SNTB1: variants seen among roughly 807,000 people sequenced by gnomAD.
SNTB1 encodes the protein syntrophin beta 1.
SNTB1 carries 36 observed loss-of-function variants against 48.9 expected under a neutral mutation model. The observed-to-expected ratio is 0.74, with a 90% confidence interval of 0.56 to 0.97. The LOEUF is 0.97. SNTB1 is among the 50% of genes least tolerant of loss of function. The probability of loss-of-function intolerance (pLI) is 0.00; values close to 1 mark genes in which losing one functional copy is unlikely to be tolerated. For missense variants in SNTB1, 786 were observed against 703.4 expected (o/e 1.12, Z -1.33); for synonymous variants, 299 against 294.6 (o/e 1.01, Z -0.15).
chr8:120,803,846 G>T (rs1346268597), intron 1 of SNTB1, among the ~76,000 whole-genome samples: 9 of 152,174 alleles, frequency 5.9e-5, no homozygotes, highest in Non-Finnish European at 1.3e-4. Context: ...GGTAGAAAGC[G>T]TTCTTACATA....
intron 1 of SNTB1, among the ~76,000 whole-genome samples, chr8:120,696,512 T>G (rs1818212990): frequency 6.6e-6 from 1 of 152,216 alleles, no homozygotes; most frequent in Non-Finnish European, 1.5e-5. Context: ...AAGTTTCAAA[T>G]GACCATTTAA....
At chr8:120,628,017 T>C (rs1816912588) in intron 3 of SNTB1, among the ~76,000 whole-genome samples, 1 of 152,172 alleles carries the variant, frequency 6.6e-6, no homozygotes, top group Admixed American at 6.5e-5. Context: ...AGTAACACCA[T>C]GGGGAGGCAC....
At chr8:120,544,791 T>TTTG (rs11418998) in intron 5 of SNTB1, among the ~76,000 whole-genome samples, 251 of 34,700 alleles carry the variant, frequency 7.2e-3, no homozygotes, top group African/African-American at 0.043. Flanking sequence ...AATTCAAAAC[T>TTTG]TTTTTTTTTT....
intron 4 of SNTB1, among the ~76,000 whole-genome samples, chr8:120,558,383 G>C (rs1477453313): frequency 6.6e-5 from 10 of 152,158 alleles, no homozygotes; most frequent in African/African-American, 1.9e-4. Flanking sequence ...TGAATTTGAA[G>C]CTGAATTCAC....
intron 3 of SNTB1, among the ~76,000 whole-genome samples, chr8:120,575,581 T>C (rs1478194606): frequency 6.6e-6 from 1 of 152,236 alleles, no homozygotes; most frequent in Non-Finnish European, 1.5e-5. Context: ...TAGCATTTTT[T>C]TTTATTATGA....
intron 3 of SNTB1, among the ~76,000 whole-genome samples, chr8:120,585,831 C>T (rs1391948994): frequency 6.6e-6 from 1 of 152,174 alleles, no homozygotes; most frequent in African/African-American, 2.4e-5. Context: ...AGTTTAAAAT[C>T]AAACATGTCA....
chr8:120,689,187 G>A (rs193228081), intron 2 of SNTB1, among the ~76,000 whole-genome samples: 71 of 152,294 alleles, frequency 4.7e-4, no homozygotes, highest in Admixed American at 1.8e-3. Context: ...TTGAGAAATT[G>A]AACATTAGAG....
At chr8:120,806,156 G>T (rs1820331494) in intron 1 of SNTB1, among the ~76,000 whole-genome samples, 1 of 152,214 alleles carries the variant, frequency 6.6e-6, no homozygotes, top group South Asian at 2.1e-4. Context: ...AGGTGGGGGG[G>T]TCCACACCTC....
chr8:120,560,354 G>C (rs1280819920), intron 4 of SNTB1, among the ~76,000 whole-genome samples: 1 of 152,134 alleles, frequency 6.6e-6, no homozygotes, highest in Non-Finnish European at 1.5e-5. Context: ...TTGGTGGCGG[G>C]CACCTGTGAT....
chr8:120,552,601 C>T (rs1352491346), intron 4 of SNTB1, among the ~76,000 whole-genome samples: 1 of 152,074 alleles, frequency 6.6e-6, no homozygotes, highest in Non-Finnish European at 1.5e-5. Flanking sequence ...CCTTGGCCTC[C>T]CAAAGTGCTG....
At chr8:120,807,897 A>G (rs1280926928) in intron 1 of SNTB1, among the ~76,000 whole-genome samples, 1 of 152,016 alleles carries the variant, frequency 6.6e-6, no homozygotes, top group Non-Finnish European at 1.5e-5. Flanking sequence ...ATGTTACATT[A>G]TTTATATTTA....
At chr8:120,549,094 G>T in intron 4 of SNTB1, 136 bp from the exon 5 acceptor site, 2 of 645,162 alleles carry the variant, frequency 3.1e-6, no homozygotes, top group South Asian at 4.7e-5. Flanking sequence ...ACTATACCCT[G>T]CTCTTCTGCC....
At chr8:120,612,762 T>C (rs1324643480) in intron 3 of SNTB1, among the ~76,000 whole-genome samples, 2 of 152,128 alleles carry the variant, frequency 1.3e-5, no homozygotes, top group Non-Finnish European at 2.9e-5. Context: ...CTGGCCATAA[T>C]TTTTTTGTTG....
intron 3 of SNTB1, among the ~76,000 whole-genome samples, chr8:120,630,580 T>C (rs1164656824): frequency 1.3e-5 from 2 of 152,202 alleles, no homozygotes; most frequent in African/African-American, 4.8e-5. Context: ...TACCTCCAAG[T>C]CCACTCAGAA....
chr8:120,587,673 TC>T lies in SNTB1; in HGVS notation c.997-12449del, dbSNP rs1207776638. Among the ~76,000 whole-genome samples the T allele has an allele frequency of 1.3e-3, 194 of 152,328 alleles. 1 individual carries two copies. The highest frequency in any genetic ancestry group is 4.5e-3 in the African/African-American group (188 of 41,576). On this transcript the variant is annotated intron_variant, in intron 3 of 6. Transcript: ENST00000517992. ...GTTTAAGCATCATTGTTTGAAGAGCTCAGAGGCCTGAGATCTATGTGCTCTC... is the reference window on the plus strand; with the variant it reads ...GTTTAAGCATCATTGTTTGAAGAGCTAGAGGCCTGAGATCTATGTGCTCTC...
At chr8:120,700,366 A>C (rs1186915128) in intron 1 of SNTB1, among the ~76,000 whole-genome samples, 1 of 152,218 alleles carries the variant, frequency 6.6e-6, no homozygotes, top group Non-Finnish European at 1.5e-5. Context: ...TTAACCTGGC[A>C]GAACTGAACC....
intron 2 of SNTB1, among the ~76,000 whole-genome samples, chr8:120,648,812 T>G (rs1217665508): frequency 6.6e-6 from 1 of 152,218 alleles, no homozygotes; most frequent in Non-Finnish European, 1.5e-5. Context: ...ACCAATCAGA[T>G]GTAGATTTGG....
intron 1 of SNTB1, among the ~76,000 whole-genome samples, chr8:120,744,672 A>T (rs948735495): frequency 2.6e-5 from 4 of 152,210 alleles, no homozygotes; most frequent in African/African-American, 9.7e-5. Flanking sequence ...GGAAACTTTG[A>T]ATAGATACTA....
intron 1 of SNTB1, among the ~76,000 whole-genome samples, chr8:120,701,648 T>C (rs1271706764): frequency 6.6e-6 from 1 of 152,226 alleles, no homozygotes; most frequent in Non-Finnish European, 1.5e-5. Context: ...GTTCTCAAGT[T>C]ACTTTTTCTT....
Sources: gnomAD v4.1 joint callset for allele counts (sites outside exome capture counted in the v4.1 genomes callset) on GRCh38, gnomAD v4.1.1 for gene constraint, MANE v1.5 for transcripts, NCBI Gene and HGNC (gene_info 2026-07-23, HGNC 2026-07-21) for gene names.